TMEM74: variants seen among roughly 807,000 people sequenced by gnomAD.
TMEM74 encodes the protein transmembrane protein 74.
TMEM74 carries 13 observed loss-of-function variants against 18.1 expected under a neutral mutation model. The ratio of observed to expected loss-of-function variants is 0.72; its 90% CI spans 0.47 to 1.14. TMEM74 has a LOEUF of 1.14. Ranked by LOEUF, TMEM74 falls within the 50% of genes most tolerant of loss-of-function variation. The pLI, the probability that TMEM74 is intolerant of heterozygous loss-of-function variation, is 0.00. For missense variants in TMEM74, 372 were observed against 375.9 expected (o/e 0.99, Z 0.09); for synonymous variants, 159 against 146.6 (o/e 1.08, Z -0.61).
At chr8:108,620,447 T>C (rs956665711) in intron 2 of TMEM74, among the ~76,000 whole-genome samples, 4 of 152,148 alleles carry the variant, frequency 2.6e-5, no homozygotes, top group African/African-American at 9.7e-5. Context: ...AGATATTTAT[T>C]AAACACCTGT....
chr8:108,614,848 CA>C (rs1812368043), intron 2 of TMEM74, among the ~76,000 whole-genome samples: 2 of 151,516 alleles, frequency 1.3e-5, no homozygotes, highest in East Asian at 1.9e-4. Context: ...AATGAATGAA[CA>C]AAAAAACAAA....
At chr8:108,660,888 G>A (rs561897942) in intron 1 of TMEM74, among the ~76,000 whole-genome samples, 4 of 152,050 alleles carry the variant, frequency 2.6e-5, no homozygotes, top group African/African-American at 9.7e-5. Flanking sequence ...TTACCATCAT[G>A]TTATGTATAT....
chr8:108,778,150 C>T (rs1299124938), downstream of TMEM74, among the ~76,000 whole-genome samples: 1 of 152,120 alleles, frequency 6.6e-6, no homozygotes, highest in African/African-American at 2.4e-5. Context: ...TTGAACAAAA[C>T]AAAGACCTTA....
chr8:108,741,083 G>A (rs1358389168), intron 1 of TMEM74, among the ~76,000 whole-genome samples: 1 of 152,100 alleles, frequency 6.6e-6, no homozygotes, highest in Non-Finnish European at 1.5e-5. Flanking sequence ...AAAGCATGTT[G>A]CTGAAGACTT....
At chr8:108,756,720 G>A (rs1322118631) in intron 1 of TMEM74, among the ~76,000 whole-genome samples, 16 of 78,326 alleles carry the variant, frequency 2.0e-4, no homozygotes, top group African/African-American at 2.6e-4. Context: ...AAGAAAGAAA[G>A]AGAAAGAAAG....
intron 1 of TMEM74, among the ~76,000 whole-genome samples, chr8:108,695,701 G>C (rs1286841595): frequency 3.9e-5 from 6 of 152,100 alleles, no homozygotes; most frequent in Non-Finnish European, 8.8e-5. Flanking sequence ...TGTGTATAGT[G>C]AAGTTTTCTG....
At chr8:108,694,107 C>T (rs1813257878) in intron 1 of TMEM74, among the ~76,000 whole-genome samples, 1 of 152,180 alleles carries the variant, frequency 6.6e-6, no homozygotes, top group African/African-American at 2.4e-5. Context: ...TTATCCATCA[C>T]CTGAACAATA....
chr8:108,665,676 G>A (rs1442626123), intron 1 of TMEM74, among the ~76,000 whole-genome samples: 1 of 152,150 alleles, frequency 6.6e-6, no homozygotes, highest in Admixed American at 6.6e-5. Context: ...TTGTCTAAGT[G>A]TGCAGACTGG....
chr8:108,730,656 C>T (rs1813685163), intron 1 of TMEM74, among the ~76,000 whole-genome samples: 1 of 122,748 alleles, frequency 8.1e-6, no homozygotes, highest in Non-Finnish European at 1.6e-5. Flanking sequence ...TTTTTTGTGA[C>T]GGAGGCTCAC....
intron 1 of TMEM74, among the ~76,000 whole-genome samples, chr8:108,717,663 T>C (rs755651448): frequency 4.6e-5 from 7 of 151,994 alleles, no homozygotes; most frequent in Non-Finnish European, 5.9e-5. Context: ...AGAGATGCCA[T>C]TGGAACAGGG....
chr8:108,731,860 A>T (rs537713292), intron 1 of TMEM74, among the ~76,000 whole-genome samples: 27 of 152,170 alleles, frequency 1.8e-4, no homozygotes, highest in Non-Finnish European at 3.8e-4. Context: ...TCACAAAAGG[A>T]TCTATAGCTC....
At position 108,784,121 on chromosome 8, in the gene TMEM74, A is replaced by G; in HGVS notation, c.*60T>C. On this transcript the variant is annotated 3_prime_UTR_variant, in exon 2 of 2. Coordinates refer to ENST00000297459, the MANE Select transcript of TMEM74 (RefSeq NM_153015.3). ...TAAATTGCACTGTGAATTTTTATAAATTAACTTTTTTCATATTATAAAATG... is the reference window on the plus strand; with the variant it reads ...TAAATTGCACTGTGAATTTTTATAAGTTAACTTTTTTCATATTATAAAATG... The G allele has an allele frequency of 7.1e-7, 1 of 1,404,414 alleles. No homozygotes were observed. The highest frequency in any genetic ancestry group is 9.6e-7 in the Non-Finnish European group (1 of 1,043,520). The allele number at this position is 1,404,414 out of a possible 1,614,324, so 87.0% of individuals were successfully genotyped here. A position where few individuals can be genotyped will look rare whatever the true frequency, so the allele number is the denominator to read the frequency against.
At chr8:108,725,103 C>T (rs1813622067) in intron 1 of TMEM74, among the ~76,000 whole-genome samples, 1 of 152,158 alleles carries the variant, frequency 6.6e-6, no homozygotes. Flanking sequence ...AGCCATCTCC[C>T]CTGGAATGTT....
intron 1 of TMEM74, among the ~76,000 whole-genome samples, chr8:108,707,486 T>C (rs1813428475): frequency 6.6e-6 from 1 of 152,190 alleles, no homozygotes; most frequent in Non-Finnish European, 1.5e-5. Flanking sequence ...ATGTCTTTAA[T>C]AGGCCATAAT....
intron 2 of TMEM74, among the ~76,000 whole-genome samples, chr8:108,627,199 A>T (rs1016260010): frequency 1.3e-5 from 2 of 152,016 alleles, no homozygotes; most frequent in African/African-American, 4.8e-5. Flanking sequence ...TAGAGTGAGG[A>T]ATCTTTCAGA....
chr8:108,720,255 T>C (rs1057021274), intron 1 of TMEM74, among the ~76,000 whole-genome samples: 2 of 152,232 alleles, frequency 1.3e-5, no homozygotes, highest in African/African-American at 4.8e-5. Flanking sequence ...CTGTATCAAT[T>C]TTGATTTTTA....
intron 1 of TMEM74, among the ~76,000 whole-genome samples, chr8:108,660,626 G>A (rs946584771): frequency 1.3e-5 from 2 of 152,126 alleles, no homozygotes; most frequent in African/African-American, 4.8e-5. Context: ...ACGTGATACT[G>A]TTTAAACCTA....
At chr8:108,738,365 C>A (rs1386216526) in intron 1 of TMEM74, among the ~76,000 whole-genome samples, 1 of 152,190 alleles carries the variant, frequency 6.6e-6, no homozygotes, top group East Asian at 1.9e-4. Context: ...CTACTCCTGA[C>A]ACACTGTTGT....
At chr8:108,620,737 T>C (rs1356679960) in intron 2 of TMEM74, among the ~76,000 whole-genome samples, 3 of 152,146 alleles carry the variant, frequency 2.0e-5, no homozygotes, top group Non-Finnish European at 4.4e-5. Flanking sequence ...TTAATCCTTT[T>C]TCAATTTTTG....
Sources: allele counts gnomAD v4.1 joint callset (sites outside exome capture counted in the v4.1 genomes callset), GRCh38; gene constraint gnomAD v4.1.1; transcripts MANE v1.5; gene names NCBI Gene and HGNC (gene_info 2026-07-23, HGNC 2026-07-21).